AFF2: variants seen among roughly 807,000 people sequenced by gnomAD.
The protein encoded by AFF2 is AF4/FMR2 family member 2.
Under a neutral mutation model 76.9 loss-of-function variants are expected in AFF2, and 14 were observed. The observed-to-expected ratio is 0.18, with a 90% CI of 0.12 to 0.28. The LOEUF (loss-of-function observed/expected upper bound fraction) is 0.28, where lower values mean the gene tolerates loss of function less well. Among genes scored for constraint, AFF2 ranks in the 10% least tolerant of loss-of-function variants. The pLI is 1.00. For synonymous variants in AFF2, 398 were observed against 366.7 expected (o/e 1.09, Z -0.98); for missense variants, 868 against 1,001.1 (o/e 0.87, Z 1.79).
At chrX:148,736,804 TG>T (rs2055290272) in intron 3 of AFF2, among the ~76,000 whole-genome samples, 1 of 111,922 alleles carries the variant, frequency 8.9e-6, no homozygotes, top group African/African-American at 3.2e-5. Flanking sequence ...ACGTGACAGA[TG>T]AGGCTCCAGT....
At chrX:148,715,714 C>G (rs1268164941) in intron 3 of AFF2, among the ~76,000 whole-genome samples, 1 of 112,262 alleles carries the variant, frequency 8.9e-6, no homozygotes, top group Non-Finnish European at 1.9e-5. Flanking sequence ...TTTGTTTAAT[C>G]AACTTCGTAA....
chrX:148,628,757 T>G (rs1023336243), intron 1 of AFF2, among the ~76,000 whole-genome samples: 3 of 112,035 alleles, frequency 2.7e-5, no homozygotes, highest in Non-Finnish European at 5.6e-5. Flanking sequence ...TCTTCAAGAC[T>G]TTGACACCTT....
chrX:148,596,216 A>G (rs1318078197), intron 1 of AFF2, among the ~76,000 whole-genome samples: 1 of 112,159 alleles, frequency 8.9e-6, no homozygotes, highest in East Asian at 2.8e-4. Flanking sequence ...AGCAGGTGAT[A>G]GTTACAAAAG....
At chrX:148,510,381 A>G (rs781944203) in intron 1 of AFF2, among the ~76,000 whole-genome samples, 1 of 111,848 alleles carries the variant, frequency 8.9e-6, no homozygotes, top group South Asian at 3.8e-4. Flanking sequence ...GACTTGCCCA[A>G]GGCCATACTG....
intron 3 of AFF2, among the ~76,000 whole-genome samples, chrX:148,795,860 T>A (rs868914726): frequency 1.9e-4 from 9 of 47,857 alleles, no homozygotes; most frequent in South Asian, 1.8e-3. Context: ...TATATATATA[T>A]ATATATATAT....
intron 1 of AFF2, among the ~76,000 whole-genome samples, chrX:148,579,914 A>G (rs952542688): frequency 1.8e-4 from 20 of 111,635 alleles, no homozygotes; most frequent in Non-Finnish European, 2.1e-4. Context: ...TCTTGTGTGT[A>G]CTAAGAGTGA....
chrX:148,533,528 G>A (rs782588194), intron 1 of AFF2, among the ~76,000 whole-genome samples: 74 of 111,366 alleles, frequency 6.6e-4, no homozygotes, highest in South Asian at 1.1e-3. Flanking sequence ...TCCTGACCTC[G>A]TGATCCGCCT....
intron 3 of AFF2, 58 bp downstream of exon 3, chrX:148,662,826 C>T (rs2054322034): frequency 2.7e-6 from 3 of 1,100,967 alleles, no homozygotes; most frequent in Non-Finnish European, 3.7e-6. Context: ...CTGCTCTAAC[C>T]TCTATAATCC....
intron 3 of AFF2, among the ~76,000 whole-genome samples, chrX:148,671,772 C>CTT (rs80051300): frequency 0.012 from 1,270 of 101,614 alleles, 21 homozygotes; most frequent in African/African-American, 0.043. Context: ...TATATTTCAC[C>CTT]TTTTTTTTTT....
chrX:148,665,332 A>G (rs2054347349), intron 3 of AFF2, among the ~76,000 whole-genome samples: 1 of 112,218 alleles, frequency 8.9e-6, no homozygotes, highest in East Asian at 2.8e-4. Context: ...GGAGCAGCCT[A>G]TGTGCTTGCA....
chrX:148,513,618 C>G (rs1414697385), intron 1 of AFF2, among the ~76,000 whole-genome samples: 4 of 111,672 alleles, frequency 3.6e-5, no homozygotes, highest in Non-Finnish European at 7.5e-5. Flanking sequence ...AGAAAGTTCT[C>G]AGAACTTCAT....
chrX:148,840,705 A>C (rs782444059), intron 5 of AFF2, among the ~76,000 whole-genome samples: 1 of 112,753 alleles, frequency 8.9e-6, no homozygotes, highest in South Asian at 3.6e-4. Context: ...TGCATTAACA[A>C]TTACTGTGAG....
chrX:148,501,712 C>T (rs973686354), intron 1 of AFF2, among the ~76,000 whole-genome samples: 10 of 113,506 alleles, frequency 8.8e-5, no homozygotes, highest in African/African-American at 3.2e-4. Context: ...GGTGGAGCAG[C>T]GGCTTTGGGG....
intron 19 of AFF2, among the ~76,000 whole-genome samples, chrX:148,984,318 G>A (rs73614083): frequency 0.027 from 2,986 of 111,153 alleles, 100 homozygotes; most frequent in African/African-American, 0.092. Context: ...TGGTAGTGGC[G>A]GAAGTGGTGG....
chrX:148,851,237 T>C (rs2070728115), intron 7 of AFF2, among the ~76,000 whole-genome samples: 1 of 111,807 alleles, frequency 8.9e-6, no homozygotes, highest in Non-Finnish European at 1.9e-5. Flanking sequence ...GGTAGAATAC[T>C]GCAGATGCAC....
At chrX:148,581,580 G>T (rs1187836174) in intron 1 of AFF2, among the ~76,000 whole-genome samples, 1 of 82,801 alleles carries the variant, frequency 1.2e-5, no homozygotes, top group Non-Finnish European at 2.3e-5. Flanking sequence ...ATACGTATAC[G>T]TGTACACACA....
At chrX:148,751,813 C>T (rs2055503170) in intron 3 of AFF2, among the ~76,000 whole-genome samples, 1 of 111,991 alleles carries the variant, frequency 8.9e-6, no homozygotes, top group Admixed American at 9.5e-5. Context: ...GTTCACTCTC[C>T]GTGCATGTTG....
At chrX:148,846,533 C>A in intron 7 of AFF2, among the ~76,000 whole-genome samples, 1 of 111,951 alleles carries the variant, frequency 8.9e-6, no homozygotes, top group South Asian at 3.8e-4. Context: ...TTAAATCTAG[C>A]AACATAAAAA....
intron 1 of AFF2, among the ~76,000 whole-genome samples, chrX:148,633,304 C>A (rs782726121): frequency 4.5e-5 from 5 of 111,789 alleles, no homozygotes; most frequent in African/African-American, 1.6e-4. Context: ...ACTAATCTTA[C>A]TGCTTGTCTG....
Sources: gnomAD v4.1 joint callset for allele counts (sites outside exome capture counted in the v4.1 genomes callset) on GRCh38, gnomAD v4.1.1 for gene constraint, MANE v1.5 for transcripts, NCBI Gene and HGNC (gene_info 2026-07-23, HGNC 2026-07-21) for gene names.